Variants in ST7 observed in about 807,000 individuals in gnomAD.
ST7 encodes suppression of tumorigenicity 7.
In ST7, 28 loss-of-function variants were observed where a neutral mutation model predicts 78.7. The ratio of observed to expected loss-of-function variants is 0.36; its 90% CI spans 0.26 to 0.49. The LOEUF is 0.49. Among genes scored for constraint, ST7 ranks in the 20% least tolerant of loss-of-function variants. The pLI, the probability that ST7 is intolerant of heterozygous loss-of-function variation, is 0.99. For missense variants in ST7, 418 were observed against 696.0 expected, an observed-to-expected ratio of 0.60 and a Z score of 4.49; for synonymous variants, 247 against 249.6, an observed-to-expected ratio of 0.99 and a Z score of 0.10.
At chr7:116,980,612 A>C (rs1329112254) in intron 1 of ST7, among the ~76,000 whole-genome samples, 1 of 152,178 alleles carries the variant, frequency 6.6e-6, no homozygotes, top group Non-Finnish European at 1.5e-5. Context: ...CTGGCAGTCT[A>C]TATGGAGGCC....
intron 12 of ST7, among the ~76,000 whole-genome samples, chr7:117,197,086 G>A (rs1810388771): frequency 1.3e-5 from 2 of 152,244 alleles, no homozygotes; most frequent in Admixed American, 6.5e-5. Context: ...CCAGGCTGGA[G>A]TGCAATGACA....
chr7:117,119,877 G>A (rs1803218862), intron 3 of ST7, among the ~76,000 whole-genome samples, 157 bp downstream of exon 3: 1 of 152,110 alleles, frequency 6.6e-6, no homozygotes, highest in South Asian at 2.1e-4. Flanking sequence ...CTGTATCAGA[G>A]AGGGAGGGTA....
At chr7:117,079,553 T>G (rs1410427704) in intron 1 of ST7, among the ~76,000 whole-genome samples, 1 of 152,252 alleles carries the variant, frequency 6.6e-6, no homozygotes, top group Non-Finnish European at 1.5e-5. Flanking sequence ...TTGATGTTGT[T>G]GCTGCTATTA....
At chr7:117,034,617 A>G (rs917956285) in intron 1 of ST7, among the ~76,000 whole-genome samples, 4 of 152,128 alleles carry the variant, frequency 2.6e-5, no homozygotes, top group Non-Finnish European at 5.9e-5. Flanking sequence ...ATTTAAGGAG[A>G]CTCTAAATAC....
rs1792256562 is a variant in ST7, at chr7:116,953,615, C to T, written c.75C>T (p.Thr25=). 1.3e-6 allele frequency: 2 copies of T among 1,512,256 alleles called. No individual in the cohort carries two copies. Among genetic ancestry groups the T allele is most frequent in the African/African-American group, 1.4e-5 (1 of 69,328 alleles). The allele number at this position is 1,512,256 out of a possible 1,614,324, so 93.7% of individuals were successfully genotyped here. A position where few individuals can be genotyped will look rare whatever the true frequency, so the allele number is the denominator to read the frequency against. The change falls in exon 1 of 16, where the codon ACC becomes ACT. Residue 25 remains threonine, a synonymous_variant. Coordinates refer to ENST00000323984, the MANE Select transcript of ST7 (RefSeq NM_001369598.1). ...TTTGGTCTTGGACGTATCTGTGGACCGTGTGGTTCTTCATCGTGCTATTCC... is the reference window on the plus strand; with the variant it reads ...TTTGGTCTTGGACGTATCTGTGGACTGTGTGGTTCTTCATCGTGCTATTCC... ...CIVWSWTYLW[T]VWFFIVLFLV... is the part of the protein sequence containing the mutation.
chr7:117,129,896 A>C (rs764153396), intron 4 of ST7, 49 bp downstream of exon 4: 1 of 1,492,578 alleles, frequency 6.7e-7, no homozygotes. Context: ...TTCAGAGAGC[A>C]AAGACAGCAG....
intron 9 of ST7, among the ~76,000 whole-genome samples, chr7:117,156,662 T>C (rs1806716515): frequency 6.6e-6 from 1 of 152,172 alleles, no homozygotes; most frequent in Non-Finnish European, 1.5e-5. Flanking sequence ...AGGAGAAGCA[T>C]CCAGTGGCTT....
chr7:117,033,391 A>G (rs928196089), intron 1 of ST7, among the ~76,000 whole-genome samples: 1 of 150,808 alleles, frequency 6.6e-6, no homozygotes, highest in African/African-American at 2.4e-5. Context: ...TCTGCTTTAT[A>G]TTGATTTGTA....
chr7:117,048,566 A>C (rs962577070), intron 1 of ST7, among the ~76,000 whole-genome samples: 2 of 152,076 alleles, frequency 1.3e-5, no homozygotes, highest in African/African-American at 4.8e-5. Context: ...GAATTTCTCC[A>C]AGATCCATAT....
At chr7:117,125,610 A>G (rs564001014) in intron 3 of ST7, among the ~76,000 whole-genome samples, 23 of 152,238 alleles carry the variant, frequency 1.5e-4, no homozygotes, top group African/African-American at 4.1e-4. Context: ...TGAATAATGT[A>G]GAGAATTGGG....
chr7:117,144,616 G>C (rs1805596313), intron 9 of ST7, among the ~76,000 whole-genome samples: 2 of 145,510 alleles, frequency 1.4e-5, no homozygotes, highest in South Asian at 4.3e-4. Flanking sequence ...CTAGGCAACA[G>C]AGTAAGACCC....
chr7:117,216,513 T>A (rs1792700492), intron 13 of ST7, among the ~76,000 whole-genome samples: 1 of 152,194 alleles, frequency 6.6e-6, no homozygotes, highest in African/African-American at 2.4e-5. Context: ...TTTTAATACT[T>A]AGATTCGCAA....
At chr7:117,156,045 T>C (rs968661734) in intron 9 of ST7, among the ~76,000 whole-genome samples, 1 of 152,218 alleles carries the variant, frequency 6.6e-6, no homozygotes, top group Non-Finnish European at 1.5e-5. Context: ...AAAAATCACA[T>C]CTGCCTGTGC....
At chr7:116,998,662 C>T (rs1012119197) in intron 1 of ST7, among the ~76,000 whole-genome samples, 1 of 152,252 alleles carries the variant, frequency 6.6e-6, no homozygotes, top group African/African-American at 2.4e-5. Flanking sequence ...TTACTATGTG[C>T]CAGACACTTT....
intron 1 of ST7, among the ~76,000 whole-genome samples, chr7:117,010,592 A>G (rs1167987199): frequency 6.6e-6 from 1 of 152,170 alleles, no homozygotes; most frequent in Non-Finnish European, 1.5e-5. Flanking sequence ...TGAAATTGGG[A>G]TGTGACATAA....
chr7:116,990,963 T>C (rs1794399378), intron 1 of ST7, among the ~76,000 whole-genome samples: 1 of 152,238 alleles, frequency 6.6e-6, no homozygotes, highest in African/African-American at 2.4e-5. Flanking sequence ...GATTACCGTG[T>C]CCCAGATCAA....
At chr7:117,024,525 G>A (rs10269896) in intron 1 of ST7, among the ~76,000 whole-genome samples, 89 of 152,186 alleles carry the variant, frequency 5.8e-4, no homozygotes, top group African/African-American at 2.1e-3. Context: ...AGTGAAGAGA[G>A]CAACACCTTA....
intron 10 of ST7, among the ~76,000 whole-genome samples, chr7:117,181,143 G>C (rs1185390520): frequency 6.6e-6 from 1 of 152,112 alleles, no homozygotes; most frequent in Non-Finnish European, 1.5e-5. Context: ...ATAGATAAAA[G>C]TGTAAGGAAA....
At chr7:117,215,439 TAG>T (rs1438576461) in intron 13 of ST7, among the ~76,000 whole-genome samples, 8 of 152,176 alleles carry the variant, frequency 5.3e-5, no homozygotes, top group African/African-American at 9.7e-5. Flanking sequence ...TTAGGTTTAA[TAG>T]AGAGGGATAT....
Sources: gnomAD v4.1 joint callset for allele counts (sites outside exome capture counted in the v4.1 genomes callset) on GRCh38, gnomAD v4.1.1 for gene constraint, MANE v1.5 for transcripts, NCBI Gene and HGNC (gene_info 2026-07-23, HGNC 2026-07-21) for gene names.